The following CAMKMT variants were observed in gnomAD, a reference collection of about 807,000 sequenced individuals.
CAMKMT encodes calmodulin-lysine N-methyltransferase, also known as CaM KMT.
In CAMKMT, 53 loss-of-function variants were observed where a neutral mutation model predicts 48.0. The observed-to-expected ratio is 1.10, with a 90% CI of 0.89 to 1.39. The LOEUF (loss-of-function observed/expected upper bound fraction) is 1.39. Ranked by LOEUF, CAMKMT falls within the 40% of genes most tolerant of loss-of-function variation. The probability of loss-of-function intolerance (pLI) is 0.00; values close to 1 mark genes in which losing one functional copy is unlikely to be tolerated. For missense variants in CAMKMT, 428 were observed against 402.7 expected (o/e 1.06, Z -0.54); for synonymous variants, 165 against 152.3 (o/e 1.08, Z -0.61).
intron 9 of CAMKMT, among the ~76,000 whole-genome samples, chr2:44,755,479 T>C (rs182173345): frequency 6.6e-6 from 1 of 152,310 alleles, no homozygotes; most frequent in Non-Finnish European, 1.5e-5. Context: ...AAATGTATCA[T>C]ACATAAATAT....
At chr2:44,608,596 T>A (rs1671430603) in intron 3 of CAMKMT, among the ~76,000 whole-genome samples, 1 of 152,152 alleles carries the variant, frequency 6.6e-6, no homozygotes, top group South Asian at 2.1e-4. Flanking sequence ...ATAAAATATA[T>A]TTTCTTCATA....
At chr2:44,706,797 G>C (rs541662756) in intron 5 of CAMKMT, among the ~76,000 whole-genome samples, 1 of 151,852 alleles carries the variant, frequency 6.6e-6, no homozygotes, top group African/African-American at 2.4e-5. Context: ...CAGGAACGTC[G>C]TTCCCCATTC....
chr2:44,515,588 G>A (rs1670794526), intron 3 of CAMKMT, among the ~76,000 whole-genome samples: 1 of 152,164 alleles, frequency 6.6e-6, no homozygotes, highest in African/African-American at 2.4e-5. Context: ...TGAAAAATGG[G>A]AGTAACCATG....
At position 44,767,775 on chromosome 2, in the gene CAMKMT, G is replaced by C. The variant is rs189522809; in HGVS notation, c.894+1214G>C. Among the ~76,000 whole-genome samples the C allele has an allele frequency of 5.9e-5, 9 of 152,216 alleles. 3 individuals are homozygous for C. The highest frequency in any genetic ancestry group is 2.2e-4 in the African/African-American group (9 of 41,526). On this transcript the variant is annotated intron_variant, in intron 10 of 10. Transcript: ENST00000378494. ...AGCGGGTCTTTACCTGGTAGGAAAA[G>C]GGTCCCTCCTGGCTCCCTGGACTCC...
intron 2 of CAMKMT, among the ~76,000 whole-genome samples, chr2:44,376,318 G>A (rs532459179): frequency 6.6e-6 from 1 of 152,020 alleles, no homozygotes; most frequent in South Asian, 2.1e-4. Flanking sequence ...GTTACTCGGT[G>A]GCTAACACAT....
At chr2:44,767,686 T>TA (rs1245727807) in intron 10 of CAMKMT, among the ~76,000 whole-genome samples, 3 of 152,148 alleles carry the variant, frequency 2.0e-5, no homozygotes, top group African/African-American at 7.2e-5. Context: ...TGGTATGTGA[T>TA]TCAGATCTTA....
chr2:44,460,335 G>A (rs189540656), intron 3 of CAMKMT, among the ~76,000 whole-genome samples: 1 of 152,092 alleles, frequency 6.6e-6, no homozygotes, highest in Non-Finnish European at 1.5e-5. Flanking sequence ...TTATTTCTTT[G>A]GAATTAAACT....
intron 3 of CAMKMT, among the ~76,000 whole-genome samples, chr2:44,592,326 T>TG (rs1003618977): frequency 6.6e-6 from 1 of 152,172 alleles, no homozygotes; most frequent in African/African-American, 2.4e-5. Flanking sequence ...TCAAAGAACT[T>TG]GTGCCTTCCA....
At chr2:44,493,812 G>T (rs1669629355) in intron 3 of CAMKMT, among the ~76,000 whole-genome samples, 1 of 152,110 alleles carries the variant, frequency 6.6e-6, no homozygotes. Context: ...TAATGACTAA[G>T]TGCATATTTT....
chr2:44,383,178 T>G (rs1334807492), intron 2 of CAMKMT, among the ~76,000 whole-genome samples: 1 of 152,064 alleles, frequency 6.6e-6, no homozygotes, highest in Non-Finnish European at 1.5e-5. Context: ...TTAGTTTTAT[T>G]TTTTGAGGCA....
At chr2:44,455,841 G>C (rs1277944665) in intron 3 of CAMKMT, among the ~76,000 whole-genome samples, 6 of 152,140 alleles carry the variant, frequency 3.9e-5, no homozygotes, top group Admixed American at 6.6e-5. Flanking sequence ...ATTCATTGTA[G>C]TTGGAATGCT....
intron 3 of CAMKMT, among the ~76,000 whole-genome samples, chr2:44,462,883 G>A (rs1667921174): frequency 2.6e-5 from 4 of 152,142 alleles, no homozygotes; most frequent in African/African-American, 7.2e-5. Flanking sequence ...AGGTTTTCCT[G>A]TAGAGTCTGA....
chr2:44,603,053 C>CAT (rs559456223), intron 3 of CAMKMT, among the ~76,000 whole-genome samples: 4,322 of 151,786 alleles, frequency 0.028, 235 homozygotes, highest in African/African-American at 0.099. Context: ...CACACACACA[C>CAT]ATATATAGAT....
intron 3 of CAMKMT, among the ~76,000 whole-genome samples, chr2:44,526,870 C>T (rs1666139597): frequency 6.6e-6 from 1 of 151,992 alleles, no homozygotes; most frequent in African/African-American, 2.4e-5. Context: ...TTTATAAGGA[C>T]TTCAGTAAGA....
At chr2:44,563,601 C>T (rs1257498715) in intron 3 of CAMKMT, among the ~76,000 whole-genome samples, 1 of 152,102 alleles carries the variant, frequency 6.6e-6, no homozygotes, top group African/African-American at 2.4e-5. Context: ...TTAGGTATAT[C>T]TCCTAATGCT....
At chr2:44,683,771 C>T (rs1377407641) in intron 3 of CAMKMT, among the ~76,000 whole-genome samples, 1 of 123,216 alleles carries the variant, frequency 8.1e-6, no homozygotes. Flanking sequence ...TGCAGTGAGC[C>T]GAGATCGCGC....
At chr2:44,475,325 T>G (rs1459747043) in intron 3 of CAMKMT, among the ~76,000 whole-genome samples, 1 of 151,896 alleles carries the variant, frequency 6.6e-6, no homozygotes, top group African/African-American at 2.4e-5. Flanking sequence ...TGAAATTTTT[T>G]TTTTTTTTTT....
At chr2:44,624,732 A>C (rs1199950245) in intron 3 of CAMKMT, among the ~76,000 whole-genome samples, 1 of 152,094 alleles carries the variant, frequency 6.6e-6, no homozygotes, top group East Asian at 1.9e-4. Context: ...TCATTGTTGG[A>C]CATTTGGGTT....
At chr2:44,748,254 G>A (rs1405856703) in intron 8 of CAMKMT, among the ~76,000 whole-genome samples, 1 of 152,194 alleles carries the variant, frequency 6.6e-6, no homozygotes, top group African/African-American at 2.4e-5. Context: ...GGAGTAGACA[G>A]CATTACCTTT....
Sources: gnomAD v4.1 joint callset for allele counts (sites outside exome capture counted in the v4.1 genomes callset) on GRCh38, gnomAD v4.1.1 for gene constraint, MANE v1.5 for transcripts, NCBI Gene and HGNC (gene_info 2026-07-23, HGNC 2026-07-21) for gene names.